The following PPP6R1 variants were observed in gnomAD, a reference collection of about 807,000 sequenced individuals.
PPP6R1 encodes the protein protein phosphatase 6 regulatory subunit 1, also known as serine/threonine-protein phosphatase 6 regulatory subunit 1.
A neutral mutation model predicts 104.6 loss-of-function variants in PPP6R1; 39 were observed. That is an observed-to-expected ratio of 0.37 (90% CI 0.29 to 0.49). The LOEUF is 0.49. PPP6R1 is among the 20% of genes least tolerant of loss of function. PPP6R1 has a pLI of 0.98. For synonymous variants in PPP6R1, 549 were observed against 479.0 expected (o/e 1.15, Z -1.91); for missense variants, 1,181 against 1,155.8 (o/e 1.02, Z -0.32).
chr19:55,240,609 G>A (rs377300449), intron 10 of PPP6R1, among the ~76,000 whole-genome samples: 100 of 150,456 alleles, frequency 6.6e-4, no homozygotes, highest in African/African-American at 2.3e-3. Flanking sequence ...TCACATACTC[G>A]TGTGCACTCA....
chr19:55,247,109 C>T lies in PPP6R1; in HGVS notation c.-6G>A, dbSNP rs750492933. 9 of 1,611,812 alleles carry T rather than the reference C, an allele frequency of 5.6e-6. No homozygotes were observed. Among genetic ancestry groups the T allele is most frequent in the Non-Finnish European group, 7.6e-6 (9 of 1,179,412 alleles). On this transcript the variant is annotated splice_region_variant and 5_prime_UTR_variant, in exon 2 of 24. Coordinates refer to ENST00000412770, the MANE Select transcript of PPP6R1 (RefSeq NM_014931.4). The stretch of plus-strand genomic sequence containing the variant: ...AGGTCAAACTTCCAAAACATGGCGC[C>T]CTGCAGGCATAGACACAACCAGCGC...
chr19:55,230,377 C>G lies in PPP6R1; in HGVS notation c.*151G>C. The G allele has an allele frequency of 8.1e-7, 1 of 1,234,042 alleles. No individual in the cohort carries two copies. Among genetic ancestry groups the G allele is most frequent in the Non-Finnish European group, 1.1e-6 (1 of 883,650 alleles). 76.4% of individuals were successfully genotyped at this position (1,234,042 alleles called of 1,614,324 possible). On this transcript the variant is annotated 3_prime_UTR_variant, in exon 24 of 24. Coordinates refer to ENST00000412770, the MANE Select transcript of PPP6R1 (RefSeq NM_014931.4). ...ATGGGGGTGGGTTGGGCCTGTCTCC[C>G]TGGCACCAGCCTCCTGGGGGTCCAG...
intron 15 of PPP6R1, among the ~76,000 whole-genome samples, chr19:55,238,189 T>C (rs2087416023): frequency 6.6e-6 from 1 of 151,752 alleles, no homozygotes; most frequent in Non-Finnish European, 1.5e-5. Context: ...TGTGAGCCAC[T>C]GTGTCCAGCC....
At chr19:55,238,846 A>G (rs2087422747) in intron 15 of PPP6R1, 1 of 153,340 alleles carries the variant, frequency 6.5e-6, no homozygotes, top group African/African-American at 2.4e-5. Flanking sequence ...GAAACTCAGA[A>G]AAGTTCATGA....
chr19:55,231,783 C>T lies in PPP6R1; in HGVS notation c.2306+19G>A, dbSNP rs187840388. 4.0e-4 allele frequency: 597 copies of T among 1,493,730 alleles called. No homozygotes were observed. The highest frequency in any genetic ancestry group is 9.9e-4 in the East Asian group (42 of 42,574). 92.5% of individuals were successfully genotyped at this position (1,493,730 alleles called of 1,614,324 possible). On this transcript the variant is annotated intron_variant, in intron 19 of 23. Transcript: ENST00000412770. ...CTCGGGATACCAGCACCATTTAGCC[C>T]GTTCCATCCGGTTCTCACCTGAGCT...
chr19:55,255,695 G>A (rs192863724), intron 1 of PPP6R1: 1 of 152,394 alleles, frequency 6.6e-6, no homozygotes, highest in Admixed American at 6.5e-5. Context: ...GCTACCTCCC[G>A]CGTGGGCGTC....
rs746024243 is a variant in PPP6R1, at chr19:55,241,296, G to A, written c.1104C>T (p.Ala368=). The stretch of plus-strand genomic sequence containing the variant: ...GCTCGTGCGTCAGGGCTGCATCATT[G>A]GCGCTCAGGGCACTGGCCAGGAGCT... ...VVKLLASALS[A]NDAALTHELL... Residue 368 remains alanine (A), a synonymous_variant, in exon 9 of 24, where the codon GCC becomes GCT. Coordinates refer to ENST00000412770, the MANE Select transcript of PPP6R1 (RefSeq NM_014931.4). This position sits in a 1 kb window ranked among gnomAD's most constrained non-coding sequence, Gnocchi z 5.4. 9 of 1,611,010 alleles carry A rather than the reference G, an allele frequency of 5.6e-6. No homozygotes were observed. The highest frequency in any genetic ancestry group is 1.7e-4 in the Middle Eastern group (1 of 6,050).
chr19:55,258,004 G>A (rs925621746), intron 1 of PPP6R1, among the ~76,000 whole-genome samples: 4 of 152,246 alleles, frequency 2.6e-5, no homozygotes, highest in South Asian at 4.1e-4. Context: ...ATCTAAGGAG[G>A]CTGCGCCACG....
downstream of PPP6R1, chr19:55,229,650 G>C (rs1012460930): frequency 6.6e-6 from 1 of 152,264 alleles, no homozygotes; most frequent in Non-Finnish European, 1.5e-5. Context: ...GGCCTCTGCA[G>C]CCACAGGGCT....
intron 1 of PPP6R1, among the ~76,000 whole-genome samples, chr19:55,255,076 G>C (rs1384187619): frequency 1.3e-5 from 2 of 152,220 alleles, no homozygotes; most frequent in East Asian, 1.9e-4. Context: ...CTTTCCTGTG[G>C]CTTGGGAAAG....
In PPP6R1 at chr19:55,236,657, C is replaced by A; in HGVS notation, c.1974G>T (p.Gln658His). Residue 658 changes from glutamine (Q) to histidine (H), a missense_variant, in exon 17 of 24, where the codon CAG becomes CAT. Gln to His is a conservative substitution (Grantham distance 24). This residue lies in a region of PPP6R1 where 1,042 missense variants were observed against 955.6 expected (regional missense o/e 1.09). Coordinates refer to ENST00000412770, the MANE Select transcript of PPP6R1 (RefSeq NM_014931.4). Reference protein sequence around the residue: ...SQLARGARLGQPPGVRSGGST... With the variant: ...SQLARGARLGHPPGVRSGGST... Reference sequence around the variant, plus strand: ...GGGGGACTCACCGGACACCAGGTGGCTGGCCCAGACGGGCCCCCCTGGCCA... The same window carrying A: ...GGGGGACTCACCGGACACCAGGTGGATGGCCCAGACGGGCCCCCCTGGCCA... The A allele has an allele frequency of 6.4e-7, 1 of 1,568,876 alleles. No individual in the cohort carries two copies. The highest frequency in any genetic ancestry group is 1.4e-5 in the African/African-American group (1 of 73,656).
chr19:55,251,000 A>G (rs996113770), intron 1 of PPP6R1, among the ~76,000 whole-genome samples: 1 of 152,144 alleles, frequency 6.6e-6, no homozygotes, highest in Non-Finnish European at 1.5e-5. Flanking sequence ...TTTTCAGAAC[A>G]CACTAAGCTT....
intron 1 of PPP6R1, among the ~76,000 whole-genome samples, chr19:55,252,467 C>T (rs1014463643): frequency 2.0e-5 from 3 of 151,004 alleles, no homozygotes; most frequent in Admixed American, 1.3e-4. Context: ...GGCGCGATCT[C>T]GGCTCACTGC....
chr19:55,237,165 T>C (rs2087407551), intron 15 of PPP6R1, among the ~76,000 whole-genome samples, 195 bp from the exon 16 acceptor site: 1 of 152,238 alleles, frequency 6.6e-6, no homozygotes, highest in African/African-American at 2.4e-5. Flanking sequence ...ATCTCACATA[T>C]GATCACTTTA....
rs951263381 is a variant in PPP6R1, at chr19:55,236,628, T to C, written c.1988+15A>G. 48 of 1,515,032 alleles carry C rather than the reference T, an allele frequency of 3.2e-5. No individual in the cohort carries two copies. Among genetic ancestry groups the C allele is most frequent in the Non-Finnish European group, 4.0e-5 (45 of 1,137,246 alleles). The allele number at this position is 1,515,032 out of a possible 1,614,324, so 93.8% of individuals were successfully genotyped here. On this transcript the variant is annotated intron_variant, in intron 17 of 23. Coordinates refer to ENST00000412770, the MANE Select transcript of PPP6R1 (RefSeq NM_014931.4). ...TGGTGGAAGCTTGGAGAAGGGAAAC[T>C]GGAGGGGGACTCACCGGACACCAGG... is the stretch of plus-strand genomic sequence containing the variant.
In PPP6R1 at chr19:55,240,068, C is replaced by T. The variant is rs1166769624; in HGVS notation, c.1408G>A (p.Val470Met). 6.2e-7 allele frequency: 1 copy of T among 1,602,626 alleles called. No homozygotes were observed. The highest frequency in any genetic ancestry group is 8.5e-7 in the Non-Finnish European group (1 of 1,175,924). The part of the protein sequence containing the change: ...RKGYMGHLTR[V>M]AGALVQNTEK... ...GTGTTCTGCACCAGGGCACCGGCCA[C>T]TCTTGTCAGGTGACCCATGTAGCCT... Residue 470 changes from valine (V) to methionine (M), a missense_variant, in exon 12 of 24, where the codon GTG (valine) becomes ATG (methionine). Physicochemically the swap from Val to Met is conservative, Grantham distance 21. Coordinates refer to ENST00000412770, the MANE Select transcript of PPP6R1 (RefSeq NM_014931.4).
intron 17 of PPP6R1, chr19:55,233,279 A>G (rs1444519618): frequency 6.6e-6 from 1 of 152,192 alleles, no homozygotes; most frequent in Non-Finnish European, 1.5e-5. Flanking sequence ...ATACTCAACG[A>G]CTAAGGAGTA....
At chr19:55,231,310 G>T in intron 21 of PPP6R1, 100 bp downstream of exon 21, 1 of 1,368,168 alleles carries the variant, frequency 7.3e-7, no homozygotes, top group Non-Finnish European at 1.0e-6. Context: ...CTGCAAAGGA[G>T]GCCTGGAGCA....
Position 55,258,749 on chromosome 19 carries a change from T to C in PPP6R1, c.-321A>G, listed in dbSNP as rs2087616351. 1 of 151,184 alleles carries C rather than the reference T, an allele frequency of 6.6e-6. No homozygotes were observed. Among genetic ancestry groups the C allele is most frequent in the Non-Finnish European group, 1.5e-5 (1 of 67,776 alleles). The allele number at this position is 151,184 out of a possible 1,614,324, so 9.4% of individuals were successfully genotyped here. A position where few individuals can be genotyped will look rare whatever the true frequency, so the allele number is the denominator to read the frequency against. ...GGTGGGCGTGCGGGCCGAGGCGGGT[T>C]GGCGAGCCGGGTCGCGAGGCCCACG... On this transcript the variant is annotated 5_prime_UTR_variant, in exon 1 of 24. Transcript: ENST00000412770.
Sources: allele counts gnomAD v4.1 joint callset (sites outside exome capture counted in the v4.1 genomes callset), GRCh38; gene constraint gnomAD v4.1.1; regional missense constraint gnomAD v4.1.1; non-coding constraint Gnocchi (gnomAD v3.1); transcripts MANE v1.5; gene names NCBI Gene and HGNC (gene_info 2026-07-23, HGNC 2026-07-21).